KAT6B: variants seen among roughly 807,000 people sequenced by gnomAD.
KAT6B encodes lysine acetyltransferase 6B.
Under a neutral mutation model 187.5 loss-of-function variants are expected in KAT6B, and 10 were observed. The ratio of observed to expected loss-of-function variants is 0.05; its 90% CI spans 0.03 to 0.09. KAT6B has a LOEUF of 0.09. KAT6B is among the 10% of genes least tolerant of loss of function. KAT6B has a pLI of 1.00. For missense variants in KAT6B, 1,952 were observed against 2,558.9 expected, an observed-to-expected ratio of 0.76 and a Z score of 5.12; for synonymous variants, 861 against 926.8, an observed-to-expected ratio of 0.93 and a Z score of 1.29.
At chr10:74,830,696 G>A (rs1182502973) in intron 1 of KAT6B, among the ~76,000 whole-genome samples, 10 of 110,650 alleles carry the variant, frequency 9.0e-5, no homozygotes, top group South Asian at 3.2e-4. Context: ...TAAATTTTGC[G>A]TTTACCTGAT....
intron 13 of KAT6B, among the ~76,000 whole-genome samples, chr10:75,008,755 T>C (rs1844394170): frequency 1.3e-5 from 2 of 152,238 alleles, no homozygotes; most frequent in African/African-American, 4.8e-5. Flanking sequence ...TTATTTTACC[T>C]AATAATTTAT....
chr10:74,979,959 GA>G (rs1389100435), intron 10 of KAT6B, among the ~76,000 whole-genome samples: 1 of 152,186 alleles, frequency 6.6e-6, no homozygotes, highest in Non-Finnish European at 1.5e-5. Context: ...AGGTGTGCAA[GA>G]CCAGCCTGGC....
chr10:75,029,629 C>G lies in KAT6B; in HGVS notation c.4805C>G (p.Ser1602Cys). Residue 1602 changes from serine (S) to cysteine (C), a missense_variant, in exon 18 of 18, where the codon TCC becomes TGC. Ser to Cys is a moderately radical substitution (Grantham distance 112). Coordinates refer to ENST00000287239, the MANE Select transcript of KAT6B (RefSeq NM_012330.4). This position sits in a 1 kb window ranked among gnomAD's most constrained non-coding sequence, Gnocchi z 6.2. The stretch of plus-strand genomic sequence containing the variant: ...TCGGACCACAGTAGCCCAGTTTCAT[C>G]CGTCCACTCCCATCCTGGCCAGTCC... ...QQSDHSSPVSSVHSHPGQSVR... is the reference protein window; with the variant it reads ...QQSDHSSPVSCVHSHPGQSVR... 1.9e-6 allele frequency: 3 copies of G among 1,614,156 alleles called. No individual in the cohort carries two copies. Among genetic ancestry groups the G allele is most frequent in the Non-Finnish European group, 2.5e-6 (3 of 1,180,026 alleles).
chr10:74,870,621 C>G (rs1843856299), intron 3 of KAT6B, among the ~76,000 whole-genome samples: 1 of 152,100 alleles, frequency 6.6e-6, no homozygotes, highest in African/African-American at 2.4e-5. Context: ...CTCTTGCTGT[C>G]CAGGCTGGAG....
chr10:74,830,768 A>T (rs11001175), intron 1 of KAT6B, among the ~76,000 whole-genome samples: 38 of 17,102 alleles, frequency 2.2e-3, no homozygotes, highest in Middle Eastern at 0.056. Flanking sequence ...ATATATATAT[A>T]TTTTTTTTTT....
At chr10:74,898,667 G>A (rs1846158007) in intron 3 of KAT6B, among the ~76,000 whole-genome samples, 1 of 152,166 alleles carries the variant, frequency 6.6e-6, no homozygotes, top group African/African-American at 2.4e-5. Context: ...GACAGAGAAA[G>A]AACTTCCACT....
chr10:74,901,318 T>G (rs897248448), intron 3 of KAT6B, among the ~76,000 whole-genome samples: 3 of 152,240 alleles, frequency 2.0e-5, no homozygotes, highest in African/African-American at 7.2e-5. Flanking sequence ...TCTCACATTT[T>G]ATAAAGAAAT....
chr10:75,000,769 T>C (rs886741231), intron 13 of KAT6B, among the ~76,000 whole-genome samples: 4 of 152,170 alleles, frequency 2.6e-5, no homozygotes, highest in Non-Finnish European at 5.9e-5. Context: ...CAGTCCTTCA[T>C]GGAACAAGGC....
At chr10:74,827,556 G>C (rs1024757103) in intron 1 of KAT6B, among the ~76,000 whole-genome samples, 1 of 152,098 alleles carries the variant, frequency 6.6e-6, no homozygotes, top group Admixed American at 6.5e-5. Flanking sequence ...GTGCTTGGGA[G>C]AGTTTCTGAA....
At chr10:75,002,616 T>C (rs1843923600) in intron 13 of KAT6B, among the ~76,000 whole-genome samples, 1 of 151,856 alleles carries the variant, frequency 6.6e-6, no homozygotes, top group Non-Finnish European at 1.5e-5. Flanking sequence ...TGCTCCTAGG[T>C]GACCAACCTG....
upstream of KAT6B, among the ~76,000 whole-genome samples, chr10:74,826,234 T>G (rs1482072166): frequency 6.6e-6 from 1 of 150,974 alleles, no homozygotes; most frequent in Non-Finnish European, 1.5e-5. Context: ...ACCCAATCCT[T>G]TCCTAGAGGT....
intron 3 of KAT6B, among the ~76,000 whole-genome samples, chr10:74,867,727 T>G (rs556015991): frequency 6.6e-6 from 1 of 152,326 alleles, no homozygotes; most frequent in South Asian, 2.1e-4. Flanking sequence ...TAAGGTAACC[T>G]TTTGTCATTC....
At position 74,885,922 on chromosome 10, in the gene KAT6B, A is replaced by G. The variant is rs370682536; in HGVS notation, c.621+42444A>G. Reference sequence around the variant, plus strand: ...AATTTTTTGTATTTTTAGTGGAGACAGGGTTTCACCATGTTGGCCAGGATG... The same window carrying G: ...AATTTTTTGTATTTTTAGTGGAGACGGGGTTTCACCATGTTGGCCAGGATG... On this transcript the variant is annotated intron_variant, in intron 3 of 17. Transcript: ENST00000287239. 3.3e-5 allele frequency among the ~76,000 whole-genome samples: 5 copies of G among 152,160 alleles called. No homozygotes were observed. In the East Asian group the frequency reaches 5.8e-4, roughly 18 times the overall value.
chr10:74,989,064 A>G lies in KAT6B; in HGVS notation c.2581A>G (p.Met861Val). ...GTATAATGTCTCCTGCATAATGATC[A>G]TGCCCCAGCACCAAAGGCAAGGATT... is the stretch of plus-strand genomic sequence containing the variant. ...QKYNVSCIMI[M>V]PQHQRQGFGR... The change falls in exon 13 of 18, where the codon ATG (methionine) becomes GTG (valine). Residue 861 changes from methionine to valine, a missense_variant. Met to Val is a conservative substitution (Grantham distance 21). Coordinates refer to ENST00000287239, the MANE Select transcript of KAT6B (RefSeq NM_012330.4). 6.2e-7 allele frequency: 1 copy of G among 1,614,094 alleles called. No individual in the cohort carries two copies. The highest frequency in any genetic ancestry group is 8.5e-7 in the Non-Finnish European group (1 of 1,179,950).
At chr10:74,839,006 A>T (rs749297919) in intron 2 of KAT6B, among the ~76,000 whole-genome samples, 2 of 151,928 alleles carry the variant, frequency 1.3e-5, no homozygotes, top group Admixed American at 1.3e-4. Flanking sequence ...TTCAAAAATT[A>T]GCTGGGCGTG....
intron 3 of KAT6B, among the ~76,000 whole-genome samples, chr10:74,881,555 T>C (rs950683335): frequency 6.6e-6 from 1 of 152,220 alleles, no homozygotes; most frequent in Admixed American, 6.5e-5. Context: ...TTGATACTTT[T>C]TGAGTGATTA....
At chr10:74,946,725 G>A (rs1239850209) in intron 3 of KAT6B, among the ~76,000 whole-genome samples, 1 of 152,172 alleles carries the variant, frequency 6.6e-6, no homozygotes, top group African/African-American at 2.4e-5. Context: ...TGCTTAGGAA[G>A]GGAAGTGGAA....
chr10:74,835,530 C>T (rs1350457265), intron 1 of KAT6B, among the ~76,000 whole-genome samples: 2 of 152,184 alleles, frequency 1.3e-5, no homozygotes, highest in Non-Finnish European at 1.5e-5. Flanking sequence ...GAAGTAACTC[C>T]TTGTCACAGA....
chr10:75,018,102 G>A (rs1845113461), intron 13 of KAT6B, among the ~76,000 whole-genome samples: 1 of 152,174 alleles, frequency 6.6e-6, no homozygotes, highest in African/African-American at 2.4e-5. Context: ...CTGCACACCC[G>A]CCTGCTGTGC....
Sources: gnomAD v4.1 joint callset for allele counts (sites outside exome capture counted in the v4.1 genomes callset) on GRCh38, gnomAD v4.1.1 for gene constraint, Gnocchi (gnomAD v3.1) non-coding constraint, MANE v1.5 for transcripts, NCBI Gene and HGNC (gene_info 2026-07-23, HGNC 2026-07-21) for gene names.